DOK6: variants seen among roughly 807,000 people sequenced by gnomAD.
The protein encoded by DOK6 is docking protein 6.
A neutral mutation model predicts 44.0 loss-of-function variants in DOK6; 22 were observed. That is an observed-to-expected ratio of 0.50 (90% CI 0.36 to 0.71). The LOEUF is 0.71. Ranked by LOEUF, DOK6 falls within the 30% of genes least tolerant of loss-of-function variation. DOK6 has a pLI of 0.00. For synonymous variants in DOK6, 166 were observed against 145.5 expected, an observed-to-expected ratio of 1.14 and a Z score of -1.01; for missense variants, 340 against 416.4, an observed-to-expected ratio of 0.82 and a Z score of 1.60.
chr18:69,532,290 T>C (rs1982007336), intron 1 of DOK6, among the ~76,000 whole-genome samples: 1 of 152,228 alleles, frequency 6.6e-6, no homozygotes, highest in Non-Finnish European at 1.5e-5. Flanking sequence ...AAGAGGAGCA[T>C]TTATCAACAA....
chr18:69,804,970 G>A (rs886388935), intron 7 of DOK6, among the ~76,000 whole-genome samples: 1 of 152,122 alleles, frequency 6.6e-6, no homozygotes, highest in African/African-American at 2.4e-5. Context: ...ACAGGGGAAA[G>A]GTCAAAATAC....
chr18:69,762,112 C>A (rs1232385396), intron 7 of DOK6, among the ~76,000 whole-genome samples: 1 of 152,064 alleles, frequency 6.6e-6, no homozygotes, highest in African/African-American at 2.4e-5. Context: ...GGAGTTAAGA[C>A]CAGTCTGGGC....
intron 1 of DOK6, among the ~76,000 whole-genome samples, chr18:69,431,688 A>G (rs547627984): frequency 1.3e-5 from 2 of 152,268 alleles, no homozygotes; most frequent in South Asian, 2.1e-4. Context: ...ACAATTTTCA[A>G]TGTGTATGAT....
At chr18:69,828,669 A>G (rs1981811133) in intron 7 of DOK6, among the ~76,000 whole-genome samples, 1 of 151,304 alleles carries the variant, frequency 6.6e-6, no homozygotes, top group African/African-American at 2.4e-5. Context: ...ACTATATTTT[A>G]GTGTTTGGAT....
chr18:69,800,761 AT>A (rs1980881512), intron 7 of DOK6, among the ~76,000 whole-genome samples: 1 of 152,170 alleles, frequency 6.6e-6, no homozygotes, highest in African/African-American at 2.4e-5. Context: ...CACTGCACAG[AT>A]TAGAAATGTT....
chr18:69,447,785 G>A (rs1030312683), intron 1 of DOK6, among the ~76,000 whole-genome samples: 1 of 152,130 alleles, frequency 6.6e-6, no homozygotes, highest in African/African-American at 2.4e-5. Flanking sequence ...TAGTCTTCTT[G>A]ATATTCTGGT....
intron 1 of DOK6, among the ~76,000 whole-genome samples, chr18:69,563,690 T>C (rs909508516): frequency 2.7e-5 from 4 of 150,104 alleles, no homozygotes; most frequent in African/African-American, 9.8e-5. Context: ...TTAGGAGATA[T>C]ACCTAATGTT....
At chr18:69,455,156 CAAAAAAA>C (rs58451274) in intron 1 of DOK6, among the ~76,000 whole-genome samples, 1 of 117,440 alleles carries the variant, frequency 8.5e-6, no homozygotes, top group Non-Finnish European at 1.8e-5. Flanking sequence ...ATAGCTATAG[CAAAAAAA>C]AAAAAAAAAA....
chr18:69,457,588 T>G (rs1169057463), intron 1 of DOK6, among the ~76,000 whole-genome samples: 1 of 152,192 alleles, frequency 6.6e-6, no homozygotes, highest in African/African-American at 2.4e-5. Flanking sequence ...GTCTGGTTCT[T>G]TTTTGCTTAG....
chr18:69,509,483 A>C (rs1981293812), intron 1 of DOK6, among the ~76,000 whole-genome samples: 1 of 151,862 alleles, frequency 6.6e-6, no homozygotes, highest in Non-Finnish European at 1.5e-5. Context: ...TAAAAAATAG[A>C]AAAAATTAGC....
intron 1 of DOK6, among the ~76,000 whole-genome samples, chr18:69,541,905 A>G (rs8087192): frequency 0.11 from 15,964 of 151,534 alleles, 2,856 homozygotes; most frequent in African/African-American, 0.36. Flanking sequence ...ACAAAGAAAG[A>G]GAGCTATCTG....
chr18:69,509,438 C>G (rs970113383), intron 1 of DOK6, among the ~76,000 whole-genome samples: 57 of 151,908 alleles, frequency 3.8e-4, no homozygotes, highest in Non-Finnish European at 4.9e-4. Context: ...GAGATCGAGA[C>G]CATCCTGGCT....
intron 3 of DOK6, among the ~76,000 whole-genome samples, chr18:69,615,344 A>T (rs1001008382): frequency 1.3e-5 from 2 of 152,202 alleles, no homozygotes; most frequent in Non-Finnish European, 2.9e-5. Context: ...TACTTTGGGG[A>T]TAATGGGAAA....
intron 1 of DOK6, among the ~76,000 whole-genome samples, chr18:69,407,671 T>G (rs962006642): frequency 3.3e-5 from 5 of 152,196 alleles, no homozygotes; most frequent in African/African-American, 9.7e-5. Flanking sequence ...TCAAAGTGGA[T>G]AGAATAAGTA....
At chr18:69,755,613 T>C (rs1316824801) in intron 6 of DOK6, among the ~76,000 whole-genome samples, 1 of 152,228 alleles carries the variant, frequency 6.6e-6, no homozygotes, top group Non-Finnish European at 1.5e-5. Flanking sequence ...AATCCTTTCA[T>C]AAAATGAGCC....
chr18:69,666,728 G>A (rs1177259814), intron 3 of DOK6, among the ~76,000 whole-genome samples: 1 of 152,178 alleles, frequency 6.6e-6, no homozygotes, highest in Non-Finnish European at 1.5e-5. Context: ...GATGACAGAT[G>A]TCAAAAATGA....
intron 1 of DOK6, among the ~76,000 whole-genome samples, chr18:69,444,657 T>C (rs976992243): frequency 3.2e-4 from 49 of 150,816 alleles, no homozygotes; most frequent in Admixed American, 2.0e-4. Context: ...TTTTTTTTTT[T>C]TTTTGAGACA....
At chr18:69,659,577 C>G (rs558303487) in intron 3 of DOK6, among the ~76,000 whole-genome samples, 1 of 152,172 alleles carries the variant, frequency 6.6e-6, no homozygotes, top group African/African-American at 2.4e-5. Flanking sequence ...GGGACATGAG[C>G]AAACAGGTCG....
intron 6 of DOK6, among the ~76,000 whole-genome samples, chr18:69,755,000 T>A (rs566782557): frequency 6.6e-6 from 1 of 152,156 alleles, no homozygotes; most frequent in Non-Finnish European, 1.5e-5. Context: ...TTTGTATCCC[T>A]GGCAAAGATC....
Sources: gnomAD v4.1 joint callset for allele counts (sites outside exome capture counted in the v4.1 genomes callset) on GRCh38, gnomAD v4.1.1 for gene constraint, MANE v1.5 for transcripts, NCBI Gene and HGNC (gene_info 2026-07-23, HGNC 2026-07-21) for gene names.